The following MEAK7 variants were observed in gnomAD, a reference collection of about 807,000 sequenced individuals.
The protein encoded by MEAK7 is MTOR associated protein MEAK7.
A neutral mutation model predicts 40.5 loss-of-function variants in MEAK7; 68 were observed. That is an observed-to-expected ratio of 1.68 (90% CI 1.38 to 2.06). The LOEUF is 2.06. Ranked by LOEUF, MEAK7 falls within the 30% of genes most tolerant of loss-of-function variation. MEAK7 has a pLI of 0.00. For missense variants in MEAK7, 918 were observed against 580.5 expected (o/e 1.58, Z -5.98); for synonymous variants, 338 against 231.9 (o/e 1.46, Z -4.16).
At position 84,480,641 on chromosome 16, in the gene MEAK7, C is replaced by G. The variant is rs764000003; in HGVS notation, c.1145G>C (p.Arg382Thr). Residue 382 changes from arginine to threonine, a missense_variant, in exon 7 of 8, where the codon AGA (arginine) becomes ACA (threonine). By Grantham distance (71) the Arg-to-Thr change is moderately conservative. Coordinates refer to ENST00000343629, the MANE Select transcript of MEAK7 (RefSeq NM_020947.4). ...VDVDFGKGHS[R>T]AKPTCTTYNS... Reference sequence around the variant, plus strand: ...GTACGTGGTGCACGTGGGCTTGGCTCTGCTGTGTCCTTTCCCAAAATCAAC... The same window carrying G: ...GTACGTGGTGCACGTGGGCTTGGCTGTGCTGTGTCCTTTCCCAAAATCAAC... The G allele has an allele frequency of 1.9e-6, 3 of 1,613,954 alleles. No homozygotes were observed. Among genetic ancestry groups the G allele is most frequent in the African/African-American group, 2.7e-5 (2 of 74,916 alleles).
intron 5 of MEAK7, chr16:84,485,952 G>T (rs1251876980): frequency 2.0e-5 from 3 of 151,942 alleles, no homozygotes; most frequent in Non-Finnish European, 4.4e-5. Context: ...AAAGTGCTGG[G>T]ATTACAGGCT....
chr16:84,484,146 G>A (rs1912827753), intron 5 of MEAK7, among the ~76,000 whole-genome samples: 1 of 152,194 alleles, frequency 6.6e-6, no homozygotes. Flanking sequence ...CAGAGTTCAG[G>A]CCTCAGCTGC....
rs966738221 is a variant in MEAK7 at position 84,478,580 on chromosome 16, C to T, written c.*1333G>A. Reference sequence around the variant, plus strand: ...ATATCTTAGAGACAAGCTCACAGCACCTTTAAGTGGGGAGATCTCATGGCC... The same window carrying T: ...ATATCTTAGAGACAAGCTCACAGCATCTTTAAGTGGGGAGATCTCATGGCC... On this transcript the variant is annotated 3_prime_UTR_variant, in exon 8 of 8. Coordinates refer to ENST00000343629, the MANE Select transcript of MEAK7 (RefSeq NM_020947.4). The T allele has an allele frequency of 6.6e-6, 1 of 152,224 alleles. No individual in the cohort carries two copies. Among genetic ancestry groups the T allele is most frequent in the African/African-American group, 2.4e-5 (1 of 41,450 alleles). 9.4% of individuals were successfully genotyped at this position (152,224 alleles called of 1,614,324 possible).
At chr16:84,487,307 G>A in intron 4 of MEAK7, 3 of 474,346 alleles carry the variant, frequency 6.3e-6, no homozygotes, top group Middle Eastern at 1.1e-3. Context: ...ATTGTATTTA[G>A]GACATATTAT....
In MEAK7 at chr16:84,480,024, G is replaced by C; in HGVS notation, c.1260C>G (p.Ala420=). The change falls in exon 8 of 8, where the codon GCC becomes GCG. Residue 420 remains alanine (A), a splice_region_variant and synonymous_variant. Coordinates refer to ENST00000343629, the MANE Select transcript of MEAK7 (RefSeq NM_020947.4). ...AVGDPSEEQL[A]KGNKSILDAD... ...CATCCAGGATGCTCTTGTTGCCCTT[G>C]GCCTTGAGAAGAGAAGAAAGGGTGG... 5.0e-6 allele frequency: 8 copies of C among 1,592,480 alleles called. No homozygotes were observed. The highest frequency in any genetic ancestry group is 2.3e-5 in the East Asian group (1 of 43,940).
chr16:84,496,107 C>A (rs547055367), intron 2 of MEAK7, among the ~76,000 whole-genome samples, 194 bp from the exon 3 acceptor site: 1 of 152,174 alleles, frequency 6.6e-6, no homozygotes, highest in Non-Finnish European at 1.5e-5. Context: ...ATGCAAATGC[C>A]GGCCATTAGA....
At chr16:84,490,059 A>G (rs756972400) in intron 3 of MEAK7, among the ~76,000 whole-genome samples, 5 of 152,184 alleles carry the variant, frequency 3.3e-5, no homozygotes, top group Non-Finnish European at 4.4e-5. Context: ...TCATTTACCA[A>G]TGGTCTTCTC....
At chr16:84,480,234 C>T (rs927888955) in intron 7 of MEAK7, among the ~76,000 whole-genome samples, 6 of 152,048 alleles carry the variant, frequency 3.9e-5, no homozygotes, top group African/African-American at 1.5e-4. Flanking sequence ...ACCAGGGAAG[C>T]GGAAGGAACC....
At chr16:84,486,361 ACTT>A in intron 5 of MEAK7, 3 of 1,032,112 alleles carry the variant, frequency 2.9e-6, no homozygotes, top group Non-Finnish European at 2.5e-6. Context: ...CTGTGGCTTG[ACTT>A]CTCCCACGCC....
chr16:84,485,369 A>C (rs78890720), intron 5 of MEAK7, among the ~76,000 whole-genome samples: 1 of 152,224 alleles, frequency 6.6e-6, no homozygotes, highest in Non-Finnish European at 1.5e-5. Flanking sequence ...CCCAACCCTC[A>C]ACCTGGTGAC....
In MEAK7 at chr16:84,479,727, G is replaced by C. The variant is rs548262937; in HGVS notation, c.*186C>G. On this transcript the variant is annotated 3_prime_UTR_variant, in exon 8 of 8. Coordinates refer to ENST00000343629, the MANE Select transcript of MEAK7 (RefSeq NM_020947.4). Reference sequence around the variant, plus strand: ...AAACTTAAAAAACATCTATTTCTGGGAGATCCACCCATGAGTCAGGACATG... The same window carrying C: ...AAACTTAAAAAACATCTATTTCTGGCAGATCCACCCATGAGTCAGGACATG... 2.4e-6 allele frequency: 1 copy of C among 419,190 alleles called. No individual in the cohort carries two copies. The allele number at this position is 419,190 out of a possible 1,614,324, so 26.0% of individuals were successfully genotyped here.
At position 84,482,656 on chromosome 16, in the gene MEAK7, T is replaced by G. The variant is rs958231640; in HGVS notation, c.1013A>C (p.His338Pro). 2.5e-6 allele frequency: 4 copies of G among 1,614,244 alleles called. No individual in the cohort carries two copies. In the Admixed American group the frequency reaches 6.7e-5, roughly 27 times the overall value. Residue 338 changes from histidine (H) to proline (P), a missense_variant, in exon 6 of 8, where the codon CAC becomes CCC. Physicochemically the swap from His to Pro is moderately conservative, Grantham distance 77. Coordinates refer to ENST00000343629, the MANE Select transcript of MEAK7 (RefSeq NM_020947.4). ...CATGTAGTGGTCGTTGTAGCCCGTG[T>G]GTGTGTACACAGCCATGCTGGGGCA... ...SICPSMAVYT[H>P]TGYNDHYMYL...
intron 7 of MEAK7, 115 bp downstream of exon 7, chr16:84,480,414 A>C (rs2150621725): frequency 7.9e-7 from 1 of 1,267,830 alleles, no homozygotes. Context: ...TACCAGGATC[A>C]AATTTGGGAT....
chr16:84,494,711 G>C (rs2435171), intron 3 of MEAK7: 387,096 of 403,586 alleles, frequency 0.96, 186,271 homozygotes, highest in East Asian at 1. Context: ...TCACAACCTG[G>C]TAAAAATGAG....
In MEAK7 at chr16:84,478,040, G is replaced by A. The variant is rs1369080391; in HGVS notation, c.*1873C>T. On this transcript the variant is annotated 3_prime_UTR_variant, in exon 8 of 8. Transcript: ENST00000343629. ...TGGTCACCAAGGCACAGACACTGAC[G>A]GACATTTAATTTTTTTTTTAACTGA... 3 of 101,364 alleles carry A rather than the reference G, an allele frequency of 3.0e-5. No individual in the cohort carries two copies. The highest frequency in any genetic ancestry group is 3.9e-4 in the East Asian group (1 of 2,570). 6.3% of individuals were successfully genotyped at this position (101,364 alleles called of 1,614,324 possible). A position where few individuals can be genotyped will look rare whatever the true frequency, so the allele number is the denominator to read the frequency against.
intron 3 of MEAK7, 98 bp downstream of exon 3, chr16:84,495,585 G>T: frequency 1.4e-5 from 16 of 1,174,150 alleles, no homozygotes; most frequent in Admixed American, 8.2e-5. Context: ...ATACTTTTTG[G>T]TTTACTCCTC....
chr16:84,482,476 C>A (rs773088981), intron 6 of MEAK7, 116 bp downstream of exon 6: 10 of 1,514,646 alleles, frequency 6.6e-6, no homozygotes, highest in South Asian at 1.2e-5. Context: ...ACATGGCGTG[C>A]GTGAGGAACT....
intron 1 of MEAK7, chr16:84,500,084 GTC>G (rs1914375004): frequency 6.6e-6 from 1 of 152,180 alleles, no homozygotes. Flanking sequence ...TTTTGTGATT[GTC>G]TCTTTTCATT....
intron 2 of MEAK7, chr16:84,497,446 C>T: frequency 7.8e-7 from 1 of 1,289,434 alleles, no homozygotes; most frequent in Non-Finnish European, 1.0e-6. Flanking sequence ...GTGCACCTGA[C>T]ACGTCATGGT....
Sources: allele counts gnomAD v4.1 joint callset (sites outside exome capture counted in the v4.1 genomes callset), GRCh38; gene constraint gnomAD v4.1.1; transcripts MANE v1.5; gene names NCBI Gene and HGNC (gene_info 2026-07-23, HGNC 2026-07-21).